LARGE1: variants seen among roughly 807,000 people sequenced by gnomAD.
LARGE1 encodes the protein xylosyl- and glucuronyltransferase LARGE1.
In LARGE1, 43 loss-of-function variants were observed where a neutral mutation model predicts 87.6. That is an observed-to-expected ratio of 0.49 (90% confidence interval 0.38 to 0.63). The LOEUF (loss-of-function observed/expected upper bound fraction) is 0.63, where lower values mean the gene tolerates loss of function less well. Among genes scored for constraint, LARGE1 ranks in the 30% least tolerant of loss-of-function variants. The pLI, the probability that LARGE1 is intolerant of heterozygous loss-of-function variation, is 0.00. For missense variants in LARGE1, 802 were observed against 1,000.2 expected (o/e 0.80, Z 2.67); for synonymous variants, 434 against 394.6 (o/e 1.10, Z -1.18).
intron 6 of LARGE1, among the ~76,000 whole-genome samples, chr22:33,495,683 C>T (rs890693161): frequency 6.6e-6 from 1 of 152,204 alleles, no homozygotes; most frequent in Admixed American, 6.5e-5. Context: ...CACACCACTG[C>T]ACTCCAGCCT....
intron 11 of LARGE1, among the ~76,000 whole-genome samples, chr22:33,182,424 G>A (rs77001807): frequency 0.03 from 4,591 of 152,018 alleles, 96 homozygotes; most frequent in Admixed American, 0.057. Context: ...ATCTCTTTCA[G>A]TTATGTGTTC....
chr22:33,790,524 C>T (rs2085790218), intron 1 of LARGE1, among the ~76,000 whole-genome samples: 1 of 152,168 alleles, frequency 6.6e-6, no homozygotes, highest in African/African-American at 2.4e-5. Context: ...CTACACTCAA[C>T]CACTTCAAAA....
At chr22:33,125,440 G>A in the LARGE1 span, among the ~76,000 whole-genome samples, 1 of 130,576 alleles carries the variant, frequency 7.7e-6, no homozygotes, top group Non-Finnish European at 1.6e-5. Context: ...TACACATCCT[G>A]CTTTCAATTT....
At chr22:33,287,875 G>A (rs1931831531) in intron 12 of LARGE1, among the ~76,000 whole-genome samples, 1 of 152,192 alleles carries the variant, frequency 6.6e-6, no homozygotes, top group African/African-American at 2.4e-5. Flanking sequence ...AAGCTTTGGA[G>A]GACAGTCAGG....
At chr22:33,606,708 T>A (rs1602682477) in intron 4 of LARGE1, among the ~76,000 whole-genome samples, 1 of 152,246 alleles carries the variant, frequency 6.6e-6, no homozygotes, top group East Asian at 1.9e-4. Flanking sequence ...GGGGATGAGC[T>A]GGATGCTGGG....
chr22:33,088,641 C>A, the LARGE1 span, among the ~76,000 whole-genome samples: 6 of 152,202 alleles, frequency 3.9e-5, no homozygotes, highest in East Asian at 9.7e-4. Context: ...CCACTATTAG[C>A]CAATCAGTTG....
At chr22:33,580,010 C>T (rs2078467308) in intron 5 of LARGE1, among the ~76,000 whole-genome samples, 1 of 152,208 alleles carries the variant, frequency 6.6e-6, no homozygotes, top group Non-Finnish European at 1.5e-5. Flanking sequence ...GGCACGAGCA[C>T]TGTCTTCAAT....
At chr22:33,599,159 C>T (rs2079052272) in intron 5 of LARGE1, among the ~76,000 whole-genome samples, 1 of 151,798 alleles carries the variant, frequency 6.6e-6, no homozygotes, top group Non-Finnish European at 1.5e-5. Flanking sequence ...TTATACAATC[C>T]TCTATCTCAT....
chr22:33,881,953 T>G (rs2064696990), intron 1 of LARGE1, among the ~76,000 whole-genome samples: 1 of 152,152 alleles, frequency 6.6e-6, no homozygotes, highest in Non-Finnish European at 1.5e-5. Flanking sequence ...CCAATAGCAC[T>G]TTAACAGAGG....
At chr22:33,214,060 C>CCTCATG (rs1169563704) in intron 11 of LARGE1, among the ~76,000 whole-genome samples, 6 of 152,160 alleles carry the variant, frequency 3.9e-5, no homozygotes, top group Admixed American at 3.3e-4. Context: ...GATTTCCTGA[C>CCTCATG]CTCATGATCC....
chr22:33,451,155 T>G (rs2067900796), intron 6 of LARGE1, among the ~76,000 whole-genome samples: 1 of 151,992 alleles, frequency 6.6e-6, no homozygotes, highest in Non-Finnish European at 1.5e-5. Context: ...AATCCCAACA[T>G]GTAAGACACT....
chr22:33,894,976 G>A (rs998935923), intron 1 of LARGE1, among the ~76,000 whole-genome samples: 1 of 152,054 alleles, frequency 6.6e-6, no homozygotes, highest in Admixed American at 6.6e-5. Context: ...TAACAAATGG[G>A]GCAGAATATT....
intron 12 of LARGE1, among the ~76,000 whole-genome samples, chr22:33,295,148 C>T (rs1200791974): frequency 1.3e-5 from 2 of 152,104 alleles, no homozygotes; most frequent in African/African-American, 4.8e-5. Context: ...CGTGGATGCT[C>T]GTAAGAAGTG....
chr22:33,787,455 C>T (rs1171447381), intron 1 of LARGE1, among the ~76,000 whole-genome samples: 1 of 152,160 alleles, frequency 6.6e-6, no homozygotes, highest in African/African-American at 2.4e-5. Context: ...ACATTTGACA[C>T]CTGATATAAA....
the LARGE1 span, among the ~76,000 whole-genome samples, chr22:33,141,597 G>A: frequency 6.6e-6 from 1 of 151,842 alleles, no homozygotes; most frequent in Non-Finnish European, 1.5e-5. Flanking sequence ...ACAATTTTTA[G>A]AGTAAAAGGG....
chr22:33,299,278 G>A (rs545678101), intron 12 of LARGE1, among the ~76,000 whole-genome samples: 1 of 150,962 alleles, frequency 6.6e-6, no homozygotes, highest in Non-Finnish European at 1.5e-5. Context: ...GAAAGAAAGA[G>A]AGAGAGAAAG....
At position 33,741,926 on chromosome 22, in the gene LARGE1, C is replaced by A. The variant is rs538547375; in HGVS notation, c.106+19445G>T. ...AAGAACTGCTCCTTGGCTGAGGGTC[C>A]CAGCAGAACCAGCTTCAGATACCCC... On this transcript the variant is annotated intron_variant, in intron 2 of 14. Transcript: ENST00000397394. Among the ~76,000 whole-genome samples, 4 of 152,278 alleles carry A rather than the reference C, an allele frequency of 2.6e-5. No homozygotes were observed. The South Asian group carries it at 8.3e-4, about 32-fold the overall frequency.
intron 6 of LARGE1, among the ~76,000 whole-genome samples, chr22:33,441,867 G>A (rs1157164855): frequency 6.6e-6 from 1 of 152,150 alleles, no homozygotes; most frequent in African/African-American, 2.4e-5. Context: ...GGTTTATATT[G>A]CATGTCCTTC....
chr22:33,758,695 C>A (rs1259361950), intron 2 of LARGE1, among the ~76,000 whole-genome samples: 1 of 152,208 alleles, frequency 6.6e-6, no homozygotes, highest in East Asian at 1.9e-4. Flanking sequence ...TTCTAAGCTG[C>A]CTTCAAATTG....
Sources: gnomAD v4.1 joint callset for allele counts (sites outside exome capture counted in the v4.1 genomes callset) on GRCh38, gnomAD v4.1.1 for gene constraint, MANE v1.5 for transcripts, NCBI Gene and HGNC (gene_info 2026-07-23, HGNC 2026-07-21) for gene names.